Variants in LOC400499 observed in about 807,000 individuals in gnomAD.
chr16:11,513,696 G>T, the LOC400499 span, among the ~76,000 whole-genome samples: 12 of 151,982 alleles, frequency 7.9e-5, no homozygotes, highest in Non-Finnish European at 1.6e-4. Flanking sequence ...CTCCCAAACC[G>T]CTGGGATTAT....
chr16:11,392,621 G>T, the LOC400499 span: 3 of 469,384 alleles, frequency 6.4e-6, no homozygotes, highest in East Asian at 1.1e-4. Context: ...TAGGATTTGA[G>T]AACCTTGAGC....
the LOC400499 span, chr16:11,477,012 C>T: frequency 7.5e-6 from 3 of 400,000 alleles, no homozygotes; most frequent in African/African-American, 6.2e-5. Flanking sequence ...ACCTGCGACC[C>T]CCAGCAGCCC....
the LOC400499 span, among the ~76,000 whole-genome samples, chr16:11,518,693 G>A: frequency 4.6e-5 from 7 of 152,078 alleles, no homozygotes; most frequent in Non-Finnish European, 8.8e-5. Flanking sequence ...GGTCTTCATC[G>A]GTGCTTGACA....
the LOC400499 span, chr16:11,396,478 C>A: frequency 7.3e-6 from 9 of 1,232,050 alleles, no homozygotes; most frequent in Non-Finnish European, 9.1e-6. Flanking sequence ...GATATCTTTC[C>A]CAGGGACTGT....
At chr16:11,393,185 G>A in the LOC400499 span, among the ~76,000 whole-genome samples, 7 of 148,636 alleles carry the variant, frequency 4.7e-5, no homozygotes, top group African/African-American at 1.7e-4. Flanking sequence ...GTAGAGACGG[G>A]GTCTCACTAT....
At chr16:11,475,852 C>G in the LOC400499 span, 7 of 388,538 alleles carry the variant, frequency 1.8e-5, no homozygotes, top group Non-Finnish European at 2.3e-5. Context: ...AGTGCACACG[C>G]TGGTGTGGTG....
At chr16:11,474,448 T>G in the LOC400499 span, among the ~76,000 whole-genome samples, 1 of 152,204 alleles carries the variant, frequency 6.6e-6, no homozygotes, top group Non-Finnish European at 1.5e-5. Flanking sequence ...GCTTCCTATT[T>G]TTTGTTCTAA....
chr16:11,464,167 A>ACG, the LOC400499 span, among the ~76,000 whole-genome samples: 5 of 38,918 alleles, frequency 1.3e-4, no homozygotes, highest in Non-Finnish European at 2.1e-4. Flanking sequence ...GTGTATGGAC[A>ACG]TGTGTATGTC....
the LOC400499 span, chr16:11,472,947 G>A: frequency 6.6e-6 from 1 of 151,936 alleles, no homozygotes; most frequent in Admixed American, 6.6e-5. Context: ...GGCCAACATA[G>A]GAAAAGCCTG....
At chr16:11,424,991 G>C in the LOC400499 span, 1 of 397,556 alleles carries the variant, frequency 2.5e-6, no homozygotes, top group South Asian at 1.4e-4. Flanking sequence ...CAGGTGTGCC[G>C]GGGAAGCCAG....
chr16:11,439,844 C>A, the LOC400499 span, among the ~76,000 whole-genome samples: 1 of 151,964 alleles, frequency 6.6e-6, no homozygotes, highest in Non-Finnish European at 1.5e-5. Flanking sequence ...CCTGTTCATG[C>A]CTCCCACAGC....
At chr16:11,393,745 G>C in the LOC400499 span, among the ~76,000 whole-genome samples, 1 of 152,152 alleles carries the variant, frequency 6.6e-6, no homozygotes, top group Admixed American at 6.5e-5. Flanking sequence ...CCATATCCCT[G>C]TCTAAGGCTG....
At chr16:11,378,925 G>C in the LOC400499 span, among the ~76,000 whole-genome samples, 2 of 152,288 alleles carry the variant, frequency 1.3e-5, no homozygotes, top group South Asian at 4.1e-4. Context: ...CAAGTACTTT[G>C]TTTCCTTCTT....
chr16:11,505,445 C>CTTTTTTTTTTT, the LOC400499 span, among the ~76,000 whole-genome samples: 1 of 71,958 alleles, frequency 1.4e-5, no homozygotes, highest in Non-Finnish European at 2.4e-5. Context: ...TTTTTCTTTT[C>CTTTTTTTTTTT]TTTTTTTTTT....
At chr16:11,469,433 C>T in the LOC400499 span, 1 of 398,950 alleles carries the variant, frequency 2.5e-6, no homozygotes, top group Non-Finnish European at 4.4e-6. Flanking sequence ...TATAAGCCAG[C>T]TCACTGCAGG....
the LOC400499 span, among the ~76,000 whole-genome samples, chr16:11,493,001 G>A: frequency 6.6e-6 from 1 of 152,154 alleles, no homozygotes; most frequent in African/African-American, 2.4e-5. Flanking sequence ...AAGAGCATGT[G>A]CAAAGGGCCT....
chr16:11,471,462 T>A, the LOC400499 span: 1 of 393,192 alleles, frequency 2.5e-6, no homozygotes, highest in African/African-American at 2.1e-5. Flanking sequence ...AAAGACTGAT[T>A]CAGAGTTAAT....
At chr16:11,423,878 G>A in the LOC400499 span, among the ~76,000 whole-genome samples, 1 of 152,170 alleles carries the variant, frequency 6.6e-6, no homozygotes, top group Non-Finnish European at 1.5e-5. Flanking sequence ...CAGCTGGGAG[G>A]GCAGGGTACC....
chr16:11,448,165 A>C, the LOC400499 span: 1 of 1,413,672 alleles, frequency 7.1e-7, no homozygotes, highest in Non-Finnish European at 9.3e-7. Flanking sequence ...GCCCCCCACA[A>C]CCTGCCCATC....
Sources: gnomAD v4.1 joint callset for allele counts (sites outside exome capture counted in the v4.1 genomes callset) on GRCh38, gnomAD v4.1.1 for gene constraint, MANE v1.5 for transcripts.